FHDC1: variants seen among roughly 807,000 people sequenced by gnomAD.
FHDC1 encodes FH2 domain containing 1.
Under a neutral mutation model 52.6 loss-of-function variants are expected in FHDC1, and 25 were observed. That is an observed-to-expected ratio of 0.48 (90% CI 0.35 to 0.66). The LOEUF is 0.66. Ranked by LOEUF, FHDC1 falls within the 30% of genes least tolerant of loss-of-function variation. The pLI is 0.01. For missense variants in FHDC1, 1,459 were observed against 1,452.8 expected, an observed-to-expected ratio of 1.00 and a Z score of -0.07; for synonymous variants, 616 against 581.5, an observed-to-expected ratio of 1.06 and a Z score of -0.85.
At chr4:152,965,576 G>T (rs556831891) in intron 9 of FHDC1, among the ~76,000 whole-genome samples, 1 of 152,222 alleles carries the variant, frequency 6.6e-6, no homozygotes, top group African/African-American at 2.4e-5. Context: ...ATACTATTTT[G>T]ACTTTTGTAT....
chr4:152,936,253 T>A (rs1458269841), upstream of FHDC1: 1 of 152,054 alleles, frequency 6.6e-6, no homozygotes, highest in Non-Finnish European at 1.5e-5. Context: ...GGCCGCAGCT[T>A]TGTTACCTGA....
chr4:152,969,256 C>T (rs1293308066), intron 10 of FHDC1, among the ~76,000 whole-genome samples: 2 of 152,190 alleles, frequency 1.3e-5, no homozygotes, highest in African/African-American at 2.4e-5. Context: ...CTGAAGCCTT[C>T]GCTTCTTAAT....
At position 152,976,586 on chromosome 4, in the gene FHDC1, C is replaced by T; in HGVS notation, c.3295C>T (p.Pro1099Ser). ...ASSARAPKKRPESAEGPSANT... is the reference protein window; with the variant it reads ...ASSARAPKKRSESAEGPSANT... Reference sequence around the variant, plus strand: ...CAGTGCCCGGGCCCCCAAGAAGCGCCCAGAGTCTGCGGAGGGTCCCAGTGC... The same window carrying T: ...CAGTGCCCGGGCCCCCAAGAAGCGCTCAGAGTCTGCGGAGGGTCCCAGTGC... Residue 1099 changes from proline to serine, a missense_variant, in exon 12 of 12, where the codon CCA (proline) becomes TCA (serine). This residue lies in a region of FHDC1 where 939 missense variants were observed against 854.5 expected (regional missense o/e 1.10). Transcript: ENST00000511601. 6.2e-7 allele frequency: 1 copy of T among 1,612,304 alleles called. No individual in the cohort carries two copies. The highest frequency in any genetic ancestry group is 1.1e-5 in the South Asian group (1 of 91,002).
intron 1 of FHDC1, among the ~76,000 whole-genome samples, chr4:152,942,661 C>A (rs1461973100): frequency 6.6e-6 from 1 of 152,208 alleles, no homozygotes; most frequent in Non-Finnish European, 1.5e-5. Flanking sequence ...GAGCCTCTAG[C>A]AGGCTCTCAA....
intron 4 of FHDC1, among the ~76,000 whole-genome samples, chr4:152,957,581 CGCGCT>C (rs1740137968): frequency 6.6e-6 from 1 of 152,232 alleles, no homozygotes; most frequent in Non-Finnish European, 1.5e-5. Flanking sequence ...AACCCCGCCT[CGCGCT>C]GCTGGCCTGC....
chr4:152,960,867 G>A lies in FHDC1; in HGVS notation c.850+23G>A, dbSNP rs115796267. 630 of 1,509,222 alleles carry A rather than the reference G, an allele frequency of 4.2e-4. 5 individuals are homozygous for A. The African/African-American group carries it at 6.5e-3, about 16-fold the overall frequency. The allele number at this position is 1,509,222 out of a possible 1,614,324, so 93.5% of individuals were successfully genotyped here. On this transcript the variant is annotated intron_variant, in intron 6 of 11. Coordinates refer to ENST00000511601, the MANE Select transcript of FHDC1 (RefSeq NM_001371116.1). The stretch of plus-strand genomic sequence containing the variant: ...AAGGTGAGTCAACATATGATCCTTC[G>A]CAGAATTTGTTTTTATTAATTTCGA...
At chr4:152,956,081 C>A (rs1271049032) in intron 4 of FHDC1, among the ~76,000 whole-genome samples, 1 of 152,098 alleles carries the variant, frequency 6.6e-6, no homozygotes, top group African/African-American at 2.4e-5. Context: ...CATAATTTAC[C>A]CTGGATTGTA....
chr4:152,948,230 G>T (rs950612915), intron 2 of FHDC1, among the ~76,000 whole-genome samples: 2 of 152,196 alleles, frequency 1.3e-5, no homozygotes, highest in African/African-American at 4.8e-5. Flanking sequence ...CCACTATGTA[G>T]TGTTACTCAA....
intron 11 of FHDC1, 92 bp downstream of exon 11, chr4:152,972,633 T>A: frequency 7.1e-7 from 1 of 1,400,382 alleles, no homozygotes; most frequent in Non-Finnish European, 9.6e-7. Flanking sequence ...GAAAGGCACT[T>A]TGCATCTCCA....
intron 9 of FHDC1, among the ~76,000 whole-genome samples, 188 bp downstream of exon 9, chr4:152,965,163 C>A (rs540050104): frequency 6.6e-6 from 1 of 152,232 alleles, no homozygotes; most frequent in Admixed American, 6.5e-5. Flanking sequence ...AAAAATTAAT[C>A]TTTATTTGTA....
the FHDC1 span, among the ~76,000 whole-genome samples, chr4:152,913,170 A>T: frequency 6.6e-6 from 1 of 152,208 alleles, no homozygotes; most frequent in Non-Finnish European, 1.5e-5. Context: ...AAAAGTGTCA[A>T]GTTTCTTCTA....
chr4:152,923,647 G>C, the FHDC1 span, among the ~76,000 whole-genome samples: 2 of 147,660 alleles, frequency 1.4e-5, no homozygotes, highest in African/African-American at 2.5e-5. Flanking sequence ...CATGGTACTG[G>C]TACCAAAACA....
chr4:152,968,679 G>C (rs1226666059), intron 10 of FHDC1, among the ~76,000 whole-genome samples: 1 of 152,188 alleles, frequency 6.6e-6, no homozygotes, highest in Non-Finnish European at 1.5e-5. Flanking sequence ...GGCTCCTGTT[G>C]TTCACTGCTC....
At chr4:152,957,813 A>G (rs945108991) in intron 4 of FHDC1, among the ~76,000 whole-genome samples, 2 of 152,152 alleles carry the variant, frequency 1.3e-5, no homozygotes, top group Non-Finnish European at 2.9e-5. Flanking sequence ...ATGTTTGTTC[A>G]TCTTTCCTCT....
the FHDC1 span, among the ~76,000 whole-genome samples, chr4:152,922,383 A>G: frequency 2.0e-5 from 3 of 152,358 alleles, no homozygotes; most frequent in South Asian, 6.2e-4. Flanking sequence ...CCAACCAAAA[A>G]GAGTCCGGGA....
At chr4:152,926,718 T>G in the FHDC1 span, among the ~76,000 whole-genome samples, 34 of 151,884 alleles carry the variant, frequency 2.2e-4, no homozygotes, top group East Asian at 6.4e-3. Flanking sequence ...TATGGGAATT[T>G]AGCCAATTCA....
At position 152,968,050 on chromosome 4, in the gene FHDC1, A is replaced by G. The variant is rs1417559458; in HGVS notation, c.1171A>G (p.Ile391Val). ...FVRTKSLKEN[I>V]QRDGELCQQM... ...CAGGACAAAATCACTAAAAGAAAAC[A>G]TCCAGCGGGATGGTGAACTTTGTCA... The change falls in exon 10 of 12, where the codon ATC becomes GTC. Residue 391 changes from isoleucine to valine, a missense_variant. Around this residue, in one of 3 missense-constraint regions of FHDC1, gnomAD observed 513 missense variants for 581.5 expected, o/e 0.88. Coordinates refer to ENST00000511601, the MANE Select transcript of FHDC1 (RefSeq NM_001371116.1). 1 of 1,614,002 alleles carries G rather than the reference A, an allele frequency of 6.2e-7. No homozygotes were observed. Among genetic ancestry groups the G allele is most frequent in the South Asian group, 1.1e-5 (1 of 91,068 alleles).
chr4:152,946,584 G>A (rs1301907353), intron 2 of FHDC1, among the ~76,000 whole-genome samples: 1 of 152,116 alleles, frequency 6.6e-6, no homozygotes, highest in Non-Finnish European at 1.5e-5. Flanking sequence ...CGGAGTCCAG[G>A]GTCAAAAGTA....
At chr4:152,912,528 T>A in the FHDC1 span, among the ~76,000 whole-genome samples, 3 of 152,228 alleles carry the variant, frequency 2.0e-5, no homozygotes, top group Non-Finnish European at 4.4e-5. Context: ...TAAAACTTTG[T>A]AATATATTGC....
Sources: allele counts gnomAD v4.1 joint callset (sites outside exome capture counted in the v4.1 genomes callset), GRCh38; gene constraint gnomAD v4.1.1; regional missense constraint gnomAD v4.1.1; transcripts MANE v1.5; gene names NCBI Gene and HGNC (gene_info 2026-07-23, HGNC 2026-07-21).